CD81: variants seen among roughly 807,000 people sequenced by gnomAD.
CD81 encodes the protein CD81 antigen.
Under a neutral mutation model 30.1 loss-of-function variants are expected in CD81, and 10 were observed. The observed-to-expected ratio is 0.33, with a 90% CI of 0.21 to 0.56. The LOEUF (loss-of-function observed/expected upper bound fraction) is 0.56. CD81 is among the 20% of genes least tolerant of loss of function. CD81 has a pLI of 0.89. For missense variants in CD81, 263 were observed against 308.7 expected, an observed-to-expected ratio of 0.85 and a Z score of 1.11; for synonymous variants, 147 against 126.4, an observed-to-expected ratio of 1.16 and a Z score of -1.10.
Position 2,397,096 on chromosome 11 carries a change from G to A in CD81, c.*230G>A. On this transcript the variant is annotated 3_prime_UTR_variant, in exon 8 of 8. Transcript: ENST00000263645. ...AGTGGAGACGGGCCTGGGTCTTGGG[G>A]ACTGGAGGGCAGGGGTCCTTCTGCC... 1 of 581,328 alleles carries A rather than the reference G, an allele frequency of 1.7e-6. No homozygotes were observed. The allele number at this position is 581,328 out of a possible 1,614,324, so 36.0% of individuals were successfully genotyped here.
intron 6 of CD81, 38 bp from the exon 7 acceptor site, chr11:2,396,590 C>T (rs1318460751): frequency 1.3e-6 from 2 of 1,549,402 alleles, no homozygotes. Flanking sequence ...GGAGCCGAGG[C>T]CCGGTCCCTG....
At chr11:2,395,086 G>A (rs369844616) in intron 4 of CD81, 40 bp downstream of exon 4, 23 of 1,505,654 alleles carry the variant, frequency 1.5e-5, no homozygotes, top group Non-Finnish European at 1.9e-5. Flanking sequence ...GGTGGGTGAC[G>A]GGGGCACCCT....
At chr11:2,393,360 A>G (rs2074243) in intron 2 of CD81, 15,980 of 156,364 alleles carry the variant, frequency 0.1, 2,403 homozygotes, top group African/African-American at 0.34. Context: ...CCCCAGGTGC[A>G]TGCTGCCCAG....
chr11:2,394,240 GCT>G, intron 3 of CD81, 48 bp downstream of exon 3: 1 of 1,311,096 alleles, frequency 7.6e-7, no homozygotes. Flanking sequence ...GGGGCTGGGG[GCT>G]GCGTCTGGCC....
intron 1 of CD81, among the ~76,000 whole-genome samples, chr11:2,388,335 G>T (rs1849833181): frequency 6.6e-6 from 1 of 152,118 alleles, no homozygotes; most frequent in Admixed American, 6.5e-5. Flanking sequence ...CCCTCACCGA[G>T]GCCCTAGACC....
intron 3 of CD81, 23 bp from the exon 4 acceptor site, chr11:2,394,949 C>T (rs774843468): frequency 6.2e-7 from 1 of 1,610,210 alleles, no homozygotes; most frequent in Non-Finnish European, 8.5e-7. Context: ...TCTTTCCTCC[C>T]TCTGGCCACT....
At chr11:2,395,739 A>G in intron 5 of CD81, 130 bp from the exon 6 acceptor site, 1 of 783,802 alleles carries the variant, frequency 1.3e-6, no homozygotes, top group Non-Finnish European at 2.2e-6. Context: ...GAGGAGGAAG[A>G]AGGCTGGCCC....
intron 1 of CD81, 32 bp from the exon 2 acceptor site, chr11:2,390,380 G>A (rs759155241): frequency 5.6e-5 from 87 of 1,552,576 alleles, no homozygotes; most frequent in Middle Eastern, 3.5e-4. Context: ...AGTGCTCTTC[G>A]TACATGTGAC....
At position 2,377,828 on chromosome 11, in the gene CD81, T is replaced by C; in HGVS notation, c.66+213T>C. The C allele has an allele frequency of 3.6e-6, 1 of 278,724 alleles. No individual in the cohort carries two copies. Among genetic ancestry groups the C allele is most frequent in the African/African-American group, 2.3e-5 (1 of 43,866 alleles). The allele number at this position is 278,724 out of a possible 1,614,324, so 17.3% of individuals were successfully genotyped here. On this transcript the variant is annotated intron_variant, in intron 1 of 7. Coordinates refer to ENST00000263645, the MANE Select transcript of CD81 (RefSeq NM_004356.4). The surrounding 1 kb of genome is among the most constrained non-coding windows in gnomAD (Gnocchi z 7.7). ...GGGCTGCGAGCCGAGTTTCGGGGCC[T>C]CTGTGCTCGGGGGCCCACCTCTGCG...
intron 1 of CD81, among the ~76,000 whole-genome samples, chr11:2,388,525 C>T (rs1226391824): frequency 6.6e-6 from 1 of 152,214 alleles, no homozygotes; most frequent in African/African-American, 2.4e-5. Context: ...GTTCTTGGGT[C>T]CAGCCCTCAG....
intron 1 of CD81, among the ~76,000 whole-genome samples, chr11:2,387,894 G>A (rs1050775040): frequency 1.3e-5 from 2 of 152,196 alleles, no homozygotes; most frequent in African/African-American, 2.4e-5. Flanking sequence ...AGGGCAGGAG[G>A]CACAGCTCCT....
In CD81 at chr11:2,394,808, T is replaced by C; in HGVS notation, c.280-164T>C. On this transcript the variant is annotated intron_variant, in intron 3 of 7. Transcript: ENST00000263645. ...CCTCCCTGCGCTGAGTTTTAGCCTC[T>C]GTGCCCCAGGGCTCCACACAAGCCG... 7.0e-6 allele frequency: 5 copies of C among 713,236 alleles called. No homozygotes were observed. In the South Asian group the frequency reaches 7.3e-5, roughly 10 times the overall value. The allele number at this position is 713,236 out of a possible 1,614,324, so 44.2% of individuals were successfully genotyped here.
At chr11:2,395,570 G>A (rs201656610) in intron 5 of CD81, 50 bp downstream of exon 5, 23 of 1,438,722 alleles carry the variant, frequency 1.6e-5, no homozygotes, top group Middle Eastern at 1.7e-4. Flanking sequence ...GGAACCCGGC[G>A]GGGTGTGTCT....
At chr11:2,388,161 C>T (rs1849829711) in intron 1 of CD81, among the ~76,000 whole-genome samples, 1 of 152,230 alleles carries the variant, frequency 6.6e-6, no homozygotes, top group Admixed American at 6.5e-5. Flanking sequence ...ATCCTCCTGC[C>T]TCAGCCTCCA....
intron 1 of CD81, 127 bp from the exon 2 acceptor site, chr11:2,390,285 A>G: frequency 1.3e-6 from 1 of 796,832 alleles, no homozygotes; most frequent in Non-Finnish European, 2.2e-6. Flanking sequence ...CCAGCAGCAG[A>G]GCTGACACCT....
intron 2 of CD81, chr11:2,391,285 G>A (rs577919762): frequency 6.5e-6 from 1 of 154,170 alleles, no homozygotes; most frequent in African/African-American, 2.4e-5. Flanking sequence ...AGGGGTGGGT[G>A]AGGTGGGCAG....
In CD81 at chr11:2,390,539, G is replaced by A; in HGVS notation, c.181+13G>A. 1 of 1,581,736 alleles carries A rather than the reference G, an allele frequency of 6.3e-7. No homozygotes were observed. Among genetic ancestry groups the A allele is most frequent in the East Asian group, 2.2e-5 (1 of 44,732 alleles). On this transcript the variant is annotated intron_variant, in intron 2 of 7. Transcript: ENST00000263645. ...ACCTTCTATGTAGGTGAGTGCACATGTGGCCGCAGACGCATTCAGGGAGGG... is the reference window on the plus strand; with the variant it reads ...ACCTTCTATGTAGGTGAGTGCACATATGGCCGCAGACGCATTCAGGGAGGG...
chr11:2,389,760 T>G (rs1849863612), intron 1 of CD81, among the ~76,000 whole-genome samples: 6 of 152,080 alleles, frequency 3.9e-5, no homozygotes, highest in Admixed American at 2.6e-4. Context: ...ACAGCAGGGA[T>G]GTATCCCACA....
chr11:2,395,869 C>G lies in CD81; in HGVS notation c.460C>G (p.Leu154Val), dbSNP rs1369314034. 1 of 1,608,578 alleles carries G rather than the reference C, an allele frequency of 6.2e-7. No individual in the cohort carries two copies. The highest frequency in any genetic ancestry group is 1.1e-5 in the South Asian group (1 of 90,992). ...KAVVKTFHET[L>V]DCCGSSTLTA... ...GACCTTGCACCCCTGCTCTCTGCAG[C>G]TTGACTGCTGTGGCTCCAGCACACT... The change falls in exon 6 of 8, where the codon CTT becomes GTT. Residue 154 changes from leucine to valine, a missense_variant and splice_region_variant. Coordinates refer to ENST00000263645, the MANE Select transcript of CD81 (RefSeq NM_004356.4).
Sources: gnomAD v4.1 joint callset for allele counts (sites outside exome capture counted in the v4.1 genomes callset) on GRCh38, gnomAD v4.1.1 for gene constraint, Gnocchi (gnomAD v3.1) non-coding constraint, MANE v1.5 for transcripts, NCBI Gene and HGNC (gene_info 2026-07-23, HGNC 2026-07-21) for gene names.